Variants in AKAP7 observed in about 807,000 individuals in gnomAD.
AKAP7 encodes the protein A-kinase anchoring protein 7, also known as A kinase (PRKA) anchor protein 7.
Under a neutral mutation model 39.5 loss-of-function variants are expected in AKAP7, and 39 were observed. The observed-to-expected ratio is 0.99, with a 90% CI of 0.76 to 1.29. AKAP7 has a LOEUF of 1.29. Among genes scored for constraint, AKAP7 ranks in the 50% most tolerant of loss-of-function variants. AKAP7 has a pLI of 0.00. For missense variants in AKAP7, 414 were observed against 407.7 expected (o/e 1.02, Z -0.13); for synonymous variants, 140 against 139.1 (o/e 1.01, Z -0.05).
intron 6 of AKAP7, among the ~76,000 whole-genome samples, chr6:131,205,625 G>T (rs1171509586): frequency 6.6e-6 from 1 of 152,164 alleles, no homozygotes; most frequent in Non-Finnish European, 1.5e-5. Context: ...TGATATTCTG[G>T]TTCCCAAGTT....
At chr6:131,139,979 C>G (rs1226298346) in intron 1 of AKAP7, among the ~76,000 whole-genome samples, 1 of 150,104 alleles carries the variant, frequency 6.7e-6, no homozygotes, top group Non-Finnish European at 1.5e-5. Context: ...TTACCTAACT[C>G]AGCCCTGAGC....
At chr6:131,216,968 C>A (rs185529970) in intron 6 of AKAP7, among the ~76,000 whole-genome samples, 1 of 152,112 alleles carries the variant, frequency 6.6e-6, no homozygotes, top group Non-Finnish European at 1.5e-5. Flanking sequence ...TAACTCTTAG[C>A]CTTTATAGAT....
intron 7 of AKAP7, among the ~76,000 whole-genome samples, chr6:131,233,357 TC>T (rs1369873324): frequency 6.6e-6 from 1 of 152,132 alleles, no homozygotes; most frequent in Non-Finnish European, 1.5e-5. Context: ...CTTCCCAGTT[TC>T]CAGCTGAGCA....
chr6:131,252,224 G>A (rs1019827937), intron 7 of AKAP7, among the ~76,000 whole-genome samples: 5 of 152,180 alleles, frequency 3.3e-5, no homozygotes, highest in African/African-American at 1.2e-4. Context: ...AATATGTACT[G>A]CTTTTGGGGC....
At chr6:131,183,720 A>C (rs370050721) in intron 5 of AKAP7, among the ~76,000 whole-genome samples, 65 of 152,222 alleles carry the variant, frequency 4.3e-4, no homozygotes, top group African/African-American at 1.2e-3. Flanking sequence ...GTGGACTGGG[A>C]CAGGGCAGAG....
At position 131,217,331 on chromosome 6, in the gene AKAP7, C is replaced by T. The variant is rs565455407; in HGVS notation, c.703-2330C>T. ...CCTTTTTTTTTAGTATGAAAGAAAA[C>T]GCCACCTGCTGCAGCTGGATGGTGA... On this transcript the variant is annotated intron_variant, in intron 6 of 7. Transcript: ENST00000431975. Among the ~76,000 whole-genome samples the T allele has an allele frequency of 3.8e-4, 58 of 152,086 alleles. 1 individual carries two copies. The highest frequency in any genetic ancestry group is 2.1e-4 in the South Asian group (1 of 4,800).
intron 1 of AKAP7, among the ~76,000 whole-genome samples, chr6:131,138,135 C>T (rs1010532825): frequency 6.6e-6 from 1 of 152,154 alleles, no homozygotes; most frequent in Non-Finnish European, 1.5e-5. Context: ...TCCCCAGCCT[C>T]TGGTAACCAT....
intron 3 of AKAP7, chr6:131,164,222 C>T: frequency 2.8e-6 from 1 of 352,884 alleles, no homozygotes; most frequent in Admixed American, 3.5e-5. Context: ...CTCAGGGCTT[C>T]TGTCTTCTGT....
At chr6:131,182,431 C>T (rs564344022) in intron 5 of AKAP7, among the ~76,000 whole-genome samples, 2 of 152,304 alleles carry the variant, frequency 1.3e-5, no homozygotes, top group Non-Finnish European at 2.9e-5. Context: ...GCTGATTTCA[C>T]TTAACATAAC....
At chr6:131,211,589 C>A (rs1432438010) in intron 6 of AKAP7, among the ~76,000 whole-genome samples, 1 of 150,842 alleles carries the variant, frequency 6.6e-6, no homozygotes, top group East Asian at 1.9e-4. Flanking sequence ...TACGGTGAAA[C>A]CCCATCTCTA....
chr6:131,261,211 A>G (rs76389460), intron 7 of AKAP7, among the ~76,000 whole-genome samples: 2 of 114,148 alleles, frequency 1.8e-5, no homozygotes. Flanking sequence ...TCTGTCTCCA[A>G]AAAAAAAAAA....
At chr6:131,152,110 C>G (rs551404846) in intron 2 of AKAP7, among the ~76,000 whole-genome samples, 1 of 152,296 alleles carries the variant, frequency 6.6e-6, no homozygotes, top group Admixed American at 6.5e-5. Context: ...TTCATTACTA[C>G]ACATTAAAAT....
chr6:131,202,963 T>A (rs1807743380), intron 6 of AKAP7, among the ~76,000 whole-genome samples: 1 of 152,058 alleles, frequency 6.6e-6, no homozygotes, highest in Admixed American at 6.6e-5. Flanking sequence ...AGCTTCAGAT[T>A]TCCACCCTCT....
At chr6:131,249,292 T>C (rs1812259705) in intron 7 of AKAP7, among the ~76,000 whole-genome samples, 1 of 152,192 alleles carries the variant, frequency 6.6e-6, no homozygotes. Flanking sequence ...CAAAATTCTA[T>C]CTTTCAGAAA....
intron 2 of AKAP7, among the ~76,000 whole-genome samples, chr6:131,146,328 C>T (rs1268636627): frequency 6.6e-6 from 1 of 152,134 alleles, no homozygotes; most frequent in Admixed American, 6.5e-5. Flanking sequence ...TGTGTTTTGG[C>T]CAGATGCGGT....
upstream of AKAP7, among the ~76,000 whole-genome samples, chr6:131,133,817 C>CA (rs1800380935): frequency 6.6e-6 from 1 of 152,178 alleles, no homozygotes; most frequent in African/African-American, 2.4e-5. Flanking sequence ...GGCTTCTATA[C>CA]CATTTTAACG....
At chr6:131,228,478 A>T (rs184483142) in intron 7 of AKAP7, among the ~76,000 whole-genome samples, 2 of 152,238 alleles carry the variant, frequency 1.3e-5, no homozygotes, top group East Asian at 3.9e-4. Flanking sequence ...TAGTATTCTA[A>T]TCATTTACAA....
chr6:131,270,073 C>A (rs1814144093), intron 7 of AKAP7, among the ~76,000 whole-genome samples: 1 of 152,058 alleles, frequency 6.6e-6, no homozygotes, highest in Non-Finnish European at 1.5e-5. Flanking sequence ...AAATTGTTCC[C>A]AATATGGTTT....
chr6:131,169,024 T>C, intron 4 of AKAP7, 89 bp from the exon 5 acceptor site: 2 of 1,163,172 alleles, frequency 1.7e-6, no homozygotes, highest in Non-Finnish European at 2.4e-6. Context: ...TCAAAATTCA[T>C]CTTTCTAAAA....
Sources: gnomAD v4.1 joint callset for allele counts (sites outside exome capture counted in the v4.1 genomes callset) on GRCh38, gnomAD v4.1.1 for gene constraint, MANE v1.5 for transcripts, NCBI Gene and HGNC (gene_info 2026-07-23, HGNC 2026-07-21) for gene names.